RBM28: variants seen among roughly 807,000 people sequenced by gnomAD.
RBM28 encodes the protein RNA binding motif protein 28.
In RBM28, 78 loss-of-function variants were observed where a neutral mutation model predicts 98.3. That is an observed-to-expected ratio of 0.79 (90% confidence interval 0.66 to 0.96). RBM28 has a LOEUF of 0.96. Among genes scored for constraint, RBM28 ranks in the 40% least tolerant of loss-of-function variants. The pLI, the probability that RBM28 is intolerant of heterozygous loss-of-function variation, is 0.00. For missense variants in RBM28, 838 were observed against 913.0 expected, an observed-to-expected ratio of 0.92 and a Z score of 1.06; for synonymous variants, 306 against 330.9, an observed-to-expected ratio of 0.92 and a Z score of 0.82.
rs1456793116 is a variant in RBM28 at position 128,336,024 on chromosome 7, T to C, written c.632A>G (p.Glu211Gly). Residue 211 changes from glutamate to glycine, a missense_variant, in exon 7 of 19, where the codon GAA becomes GGA. Glu to Gly is a moderately conservative substitution (Grantham distance 98, BLOSUM62 -2). Transcript: ENST00000223073. ...TTTAACTGATTCCTGATGTTTAGATTCATGGCTCTTTTCCTCACCTATGGA... is the reference window on the plus strand; with the variant it reads ...TTTAACTGATTCCTGATGTTTAGATCCATGGCTCTTTTCCTCACCTATGGA... ...VSAIGEEKSH[E>G]SKHQESVKKK... 2 of 1,610,836 alleles carry C rather than the reference T, an allele frequency of 1.2e-6. No homozygotes were observed. The highest frequency in any genetic ancestry group is 1.7e-6 in the Non-Finnish European group (2 of 1,178,678).
intron 9 of RBM28, among the ~76,000 whole-genome samples, chr7:128,333,022 A>G (rs558015672): frequency 6.6e-5 from 10 of 152,374 alleles, no homozygotes; most frequent in African/African-American, 2.2e-4. Flanking sequence ...TGTTTCTAAC[A>G]GTTGAACTGA....
chr7:128,330,344 C>T (rs1441091434), intron 10 of RBM28, among the ~76,000 whole-genome samples: 1 of 146,852 alleles, frequency 6.8e-6, no homozygotes, highest in East Asian at 2.0e-4. Flanking sequence ...GAGTGTGACA[C>T]CATTAAAGAC....
At position 128,324,487 on chromosome 7, in the gene RBM28, T is replaced by C. The variant is rs563242091; in HGVS notation, c.1339+72A>G. The C allele has an allele frequency of 1.9e-5, 31 of 1,599,000 alleles. No homozygotes were observed. In the South Asian group the frequency reaches 3.2e-4, roughly 16 times the overall value. On this transcript the variant is annotated intron_variant, in intron 12 of 18. Transcript: ENST00000223073. ...TTAATTTGAAACATGCTTCCAGGCA[T>C]ACTATTGCTTGATCAATGATTATGG...
chr7:128,316,410 G>C (rs1796108592), intron 16 of RBM28, among the ~76,000 whole-genome samples: 1 of 152,170 alleles, frequency 6.6e-6, no homozygotes. Context: ...AAGTAATTTG[G>C]ATGTTAAAAA....
chr7:128,330,579 C>A (rs926378328), intron 10 of RBM28, among the ~76,000 whole-genome samples: 3 of 151,890 alleles, frequency 2.0e-5, no homozygotes, highest in Non-Finnish European at 2.9e-5. Context: ...ACCGTGTTGC[C>A]CAGGCTGGTC....
At chr7:128,343,588 G>T in intron 1 of RBM28, 88 bp downstream of exon 1, 1 of 943,546 alleles carries the variant, frequency 1.1e-6, no homozygotes, top group Non-Finnish European at 1.6e-6. Context: ...TTCGGGGAGG[G>T]TAAAGAATGA....
intron 16 of RBM28, among the ~76,000 whole-genome samples, chr7:128,317,027 G>A (rs1199427755): frequency 6.6e-6 from 1 of 152,218 alleles, no homozygotes; most frequent in Non-Finnish European, 1.5e-5. Flanking sequence ...AGATGGGTAA[G>A]AGAATGAGTA....
rs1795781073 is a variant in RBM28 at position 128,301,466 on chromosome 7, C to G, written c.*9331G>C. On this transcript the variant is annotated 3_prime_UTR_variant, in exon 19 of 19. Transcript: ENST00000223073. The stretch of plus-strand genomic sequence containing the variant: ...TCCGTCAGCACTGACAGGGGCAACA[C>G]CTGGCCTGGCACAAGGCTCTCCGCT... 3 of 152,370 alleles carry G rather than the reference C, an allele frequency of 2.0e-5. No homozygotes were observed. Among genetic ancestry groups the G allele is most frequent in the Admixed American group, 2.0e-4 (3 of 15,288 alleles). 9.4% of individuals were successfully genotyped at this position (152,370 alleles called of 1,614,324 possible).
In RBM28 at chr7:128,335,559, C is replaced by T. The variant is rs748699898; in HGVS notation, c.930G>A (p.Glu310=). The change falls in exon 8 of 19, where the codon GAG becomes GAA. Residue 310 remains glutamate, a synonymous_variant. Transcript: ENST00000223073. ...CAAACAAACCTTTATCCTCTTGCTC[C>T]TCAGTGCTGGTATCACTCTGAGCCA... ...EELAQSDTST[E]EQEDKAVQVS... 62 of 1,614,172 alleles carry T rather than the reference C, an allele frequency of 3.8e-5. No individual in the cohort carries two copies. The highest frequency in any genetic ancestry group is 5.1e-5 in the Non-Finnish European group (60 of 1,180,030).
intron 1 of RBM28, among the ~76,000 whole-genome samples, chr7:128,341,482 A>G (rs1796723622): frequency 6.6e-6 from 1 of 152,246 alleles, no homozygotes; most frequent in South Asian, 2.1e-4. Flanking sequence ...AATTATTCCC[A>G]TCTTAAAGAG....
Position 128,332,509 on chromosome 7 carries a change from C to G in RBM28, c.1019+781G>C, listed in dbSNP as rs887444612. 3.9e-5 allele frequency among the ~76,000 whole-genome samples: 6 copies of G among 152,124 alleles called. No individual in the cohort carries two copies. In the East Asian group the frequency reaches 1.2e-3, roughly 29 times the overall value. On this transcript the variant is annotated intron_variant, in intron 9 of 18. Transcript: ENST00000223073. ...AGCTGGGATTACAGGCACACACCAC[C>G]ATGCATGGCCAATTTTTGTATTTTT... is the stretch of plus-strand genomic sequence containing the variant.
intron 13 of RBM28, 24 bp from the exon 14 acceptor site, chr7:128,321,448 C>T: frequency 6.2e-7 from 1 of 1,613,650 alleles, no homozygotes; most frequent in South Asian, 1.1e-5. Context: ...CAATGGTTAA[C>T]AGTACAACCC....
At position 128,309,113 on chromosome 7, in the gene RBM28, T is replaced by C. The variant is rs1795926175; in HGVS notation, c.*1684A>G. On this transcript the variant is annotated 3_prime_UTR_variant, in exon 19 of 19. Transcript: ENST00000223073. ...TCAACTTTTTCTCTTGCCTACTGAA[T>C]ACTGTTTCTTCCTTTCCTACCTTAT... 6.6e-6 allele frequency: 1 copy of C among 152,188 alleles called. No homozygotes were observed. The highest frequency in any genetic ancestry group is 2.4e-5 in the African/African-American group (1 of 41,436). 9.4% of individuals were successfully genotyped at this position (152,188 alleles called of 1,614,324 possible). A position where few individuals can be genotyped will look rare whatever the true frequency, so the allele number is the denominator to read the frequency against.
At chr7:128,329,172 TCAC>T (rs1200965076) in intron 10 of RBM28, among the ~76,000 whole-genome samples, 1 of 152,158 alleles carries the variant, frequency 6.6e-6, no homozygotes, top group African/African-American at 2.4e-5. Flanking sequence ...CGATCTCGGC[TCAC>T]CACAACCTCC....
In RBM28 at chr7:128,304,291, T is replaced by C. The variant is rs1795821775; in HGVS notation, c.*6506A>G. 1 of 152,222 alleles carries C rather than the reference T, an allele frequency of 6.6e-6. No homozygotes were observed. The highest frequency in any genetic ancestry group is 2.1e-4 in the South Asian group (1 of 4,836). 9.4% of individuals were successfully genotyped at this position (152,222 alleles called of 1,614,324 possible). ...CAACCTGTTTGCAATTCAACCATGA[T>C]ATGACACAACCAGACTACAAATAAA... On this transcript the variant is annotated 3_prime_UTR_variant, in exon 19 of 19. Coordinates refer to ENST00000223073, the MANE Select transcript of RBM28 (RefSeq NM_018077.3).
At position 128,325,932 on chromosome 7, in the gene RBM28, A is replaced by C. The variant is rs1796340330; in HGVS notation, c.1130-41T>G. 2.7e-6 allele frequency: 4 copies of C among 1,498,108 alleles called. No individual in the cohort carries two copies. In the East Asian group the frequency reaches 9.0e-5, roughly 34 times the overall value. The allele number at this position is 1,498,108 out of a possible 1,614,324, so 92.8% of individuals were successfully genotyped here. A position where few individuals can be genotyped will look rare whatever the true frequency, so the allele number is the denominator to read the frequency against. ...CAATTCAGTGAGATCCCAAACTCCCACAGATAAACCAAAGACAACATTGCA... is the reference window on the plus strand; with the variant it reads ...CAATTCAGTGAGATCCCAAACTCCCCCAGATAAACCAAAGACAACATTGCA... On this transcript the variant is annotated intron_variant, in intron 10 of 18. Coordinates refer to ENST00000223073, the MANE Select transcript of RBM28 (RefSeq NM_018077.3).
rs776561848 is a variant in RBM28 at position 128,341,072 on chromosome 7, TA to T, written c.119-1282del. 39 of 1,089,430 alleles carry T rather than the reference TA, an allele frequency of 3.6e-5. No homozygotes were observed. In the South Asian group the frequency reaches 5.3e-4, roughly 15 times the overall value. The allele number at this position is 1,089,430 out of a possible 1,614,324, so 67.5% of individuals were successfully genotyped here. A position where few individuals can be genotyped will look rare whatever the true frequency, so the allele number is the denominator to read the frequency against. On this transcript the variant is annotated intron_variant, in intron 1 of 18. Coordinates refer to ENST00000223073, the MANE Select transcript of RBM28 (RefSeq NM_018077.3). Reference sequence around the variant, plus strand: ...TTGTATAGTAAAATTTTAAATAATTTATTGCATCAAAAAGGAAAAGGACAGA... The same window carrying T: ...TTGTATAGTAAAATTTTAAATAATTTTTGCATCAAAAAGGAAAAGGACAGA...
At chr7:128,329,594 A>G (rs970170910) in intron 10 of RBM28, among the ~76,000 whole-genome samples, 10 of 152,202 alleles carry the variant, frequency 6.6e-5, no homozygotes, top group Non-Finnish European at 1.2e-4. Context: ...ATCATGAATC[A>G]CAATAAATTA....
chr7:128,339,823 G>A, intron 1 of RBM28, 32 bp from the exon 2 acceptor site: 2 of 1,606,842 alleles, frequency 1.2e-6, no homozygotes, highest in South Asian at 1.1e-5. Context: ...GGAGTGGAGG[G>A]GCAGTGTGAA....
Sources: gnomAD v4.1 joint callset for allele counts (sites outside exome capture counted in the v4.1 genomes callset) on GRCh38, gnomAD v4.1.1 for gene constraint, MANE v1.5 for transcripts, NCBI Gene and HGNC (gene_info 2026-07-23, HGNC 2026-07-21) for gene names.